KCNAB1: variants seen among roughly 807,000 people sequenced by gnomAD.
KCNAB1 encodes the protein potassium voltage-gated channel subfamily A regulatory beta subunit 1.
A neutral mutation model predicts 64.6 loss-of-function variants in KCNAB1; 35 were observed. The observed-to-expected ratio is 0.54, with a 90% confidence interval of 0.41 to 0.72. The LOEUF (loss-of-function observed/expected upper bound fraction) is 0.72, where lower values mean the gene tolerates loss of function less well. KCNAB1 is among the 30% of genes least tolerant of loss of function. KCNAB1 has a pLI of 0.00. For synonymous variants in KCNAB1, 177 were observed against 183.8 expected (o/e 0.96, Z 0.30); for missense variants, 401 against 512.9 (o/e 0.78, Z 2.11).
intron 7 of KCNAB1, among the ~76,000 whole-genome samples, chr3:156,474,056 C>T (rs1212805767): frequency 6.6e-6 from 1 of 152,106 alleles, no homozygotes; most frequent in African/African-American, 2.4e-5. Context: ...CTTATTCTCT[C>T]CTTCATATTA....
intron 1 of KCNAB1, among the ~76,000 whole-genome samples, chr3:156,238,455 A>T (rs1448494715): frequency 6.7e-6 from 1 of 149,660 alleles, no homozygotes; most frequent in Non-Finnish European, 1.5e-5. Context: ...GTTCCCTTTT[A>T]ACAAGCCCAG....
At chr3:156,150,782 T>A (rs930089574) in intron 1 of KCNAB1, among the ~76,000 whole-genome samples, 1 of 152,124 alleles carries the variant, frequency 6.6e-6, no homozygotes, top group East Asian at 1.9e-4. Context: ...GTATTTACCT[T>A]GATTATGACA....
At chr3:156,144,143 G>A (rs1021560769) in intron 1 of KCNAB1, among the ~76,000 whole-genome samples, 7 of 152,034 alleles carry the variant, frequency 4.6e-5, no homozygotes, top group East Asian at 1.9e-4. Context: ...CTTCCTTTAC[G>A]TACGCCTGGA....
At position 156,152,435 on chromosome 3, in the gene KCNAB1, G is replaced by A. The variant is rs144792247; in HGVS notation, c.275+31549G>A. ...AGGCCTGATACCAGCTGGATTCAGAGTGACGGGAGTATGGATTCTGGCCTT... is the reference window on the plus strand; with the variant it reads ...AGGCCTGATACCAGCTGGATTCAGAATGACGGGAGTATGGATTCTGGCCTT... On this transcript the variant is annotated intron_variant, in intron 1 of 13. Coordinates refer to ENST00000490337, the MANE Select transcript of KCNAB1 (RefSeq NM_172160.3). Among the ~76,000 whole-genome samples, 511 of 152,356 alleles carry A rather than the reference G, an allele frequency of 3.4e-3. 2 individuals are homozygous for A. The highest frequency in any genetic ancestry group is 6.8e-3 in the Middle Eastern group (2 of 294).
intron 7 of KCNAB1, 45 bp from the exon 8 acceptor site, chr3:156,474,689 G>A: frequency 7.4e-7 from 1 of 1,351,954 alleles, no homozygotes; most frequent in Non-Finnish European, 1.1e-6. Context: ...TCTGAATAGT[G>A]CTCATATTTA....
At chr3:156,377,240 C>A (rs1466390843) in intron 1 of KCNAB1, among the ~76,000 whole-genome samples, 3 of 152,096 alleles carry the variant, frequency 2.0e-5, no homozygotes, top group Non-Finnish European at 4.4e-5. Context: ...CTCTTATTGG[C>A]TACATTGGAT....
At chr3:156,287,312 CATT>C (rs772873301) in intron 1 of KCNAB1, among the ~76,000 whole-genome samples, 1 of 137,150 alleles carries the variant, frequency 7.3e-6, no homozygotes, top group Non-Finnish European at 1.5e-5. Flanking sequence ...AGGAGTAAGT[CATT>C]ATTTGGCCCC....
intron 1 of KCNAB1, among the ~76,000 whole-genome samples, chr3:156,379,908 C>T (rs370675587): frequency 1.3e-5 from 2 of 152,010 alleles, no homozygotes; most frequent in African/African-American, 2.4e-5. Context: ...GTAGAGTAGA[C>T]GAGATTTACT....
chr3:156,322,907 A>C (rs1184083181), intron 1 of KCNAB1, among the ~76,000 whole-genome samples: 1 of 152,050 alleles, frequency 6.6e-6, no homozygotes, highest in Non-Finnish European at 1.5e-5. Flanking sequence ...ATATCTGAGG[A>C]GACTACACTA....
At chr3:156,174,650 G>T (rs1712226924) in intron 1 of KCNAB1, among the ~76,000 whole-genome samples, 1 of 152,164 alleles carries the variant, frequency 6.6e-6, no homozygotes, top group South Asian at 2.1e-4. Context: ...TTTAAAGCTG[G>T]TTAGTTATCC....
Position 156,328,389 on chromosome 3 carries a change from C to A in KCNAB1, c.276-93227C>A, listed in dbSNP as rs556255872. Among the ~76,000 whole-genome samples the A allele has an allele frequency of 7.9e-5, 12 of 152,236 alleles. No individual in the cohort carries two copies. The East Asian group carries it at 2.3e-3, about 29-fold the overall frequency. On this transcript the variant is annotated intron_variant, in intron 1 of 13. Transcript: ENST00000490337. ...TCTGGGAAAACTACAATGAGATAAA[C>A]ACCTCTTACGGACACTGATCTTATA...
intron 1 of KCNAB1, among the ~76,000 whole-genome samples, chr3:156,278,267 T>C (rs1719467364): frequency 6.6e-6 from 1 of 152,210 alleles, no homozygotes; most frequent in South Asian, 2.1e-4. Flanking sequence ...ACTTATTTCT[T>C]GAAAGACCTT....
intron 1 of KCNAB1, among the ~76,000 whole-genome samples, chr3:156,410,207 T>G (rs528214980): frequency 6.6e-6 from 1 of 152,372 alleles, no homozygotes; most frequent in South Asian, 2.1e-4. Context: ...TACTGCATTT[T>G]TTATTTGTCA....
At chr3:156,283,296 C>T (rs1479655041) in intron 1 of KCNAB1, among the ~76,000 whole-genome samples, 2 of 151,420 alleles carry the variant, frequency 1.3e-5, no homozygotes, top group East Asian at 1.9e-4. Context: ...TATTGGCCCC[C>T]ACTCTCTTCT....
intron 1 of KCNAB1, among the ~76,000 whole-genome samples, chr3:156,198,275 G>A (rs977755390): frequency 6.6e-6 from 1 of 152,170 alleles, no homozygotes; most frequent in African/African-American, 2.4e-5. Context: ...TTGCTTTGGG[G>A]TGGAGAGTTC....
intron 1 of KCNAB1, chr3:156,273,490 C>T (rs1284665991): frequency 7.1e-6 from 3 of 424,312 alleles, no homozygotes; most frequent in Non-Finnish European, 1.4e-5. Flanking sequence ...TCCGCTGTGA[C>T]AGCACAGCAC....
At chr3:156,363,789 T>G (rs1183718507) in intron 1 of KCNAB1, among the ~76,000 whole-genome samples, 1 of 152,138 alleles carries the variant, frequency 6.6e-6, no homozygotes, top group Non-Finnish European at 1.5e-5. Context: ...GCAATCTTAT[T>G]TATTATAGTT....
At chr3:156,434,549 G>A (rs563072289) in intron 2 of KCNAB1, among the ~76,000 whole-genome samples, 1 of 152,148 alleles carries the variant, frequency 6.6e-6, no homozygotes, top group East Asian at 1.9e-4. Flanking sequence ...TCTAATATAG[G>A]TGTCATCATA....
chr3:156,338,879 G>A (rs953670358), intron 1 of KCNAB1, among the ~76,000 whole-genome samples: 5 of 152,200 alleles, frequency 3.3e-5, no homozygotes, highest in African/African-American at 1.2e-4. Flanking sequence ...GGTGGGCAGT[G>A]TCACAGGCAG....
Sources: allele counts gnomAD v4.1 joint callset (sites outside exome capture counted in the v4.1 genomes callset), GRCh38; gene constraint gnomAD v4.1.1; transcripts MANE v1.5; gene names NCBI Gene and HGNC (gene_info 2026-07-23, HGNC 2026-07-21).